Variants in DDX10 observed in about 807,000 individuals in gnomAD.
DDX10 encodes DEAD-box helicase 10.
In DDX10, 74 loss-of-function variants were observed where a neutral mutation model predicts 104.3. That is an observed-to-expected ratio of 0.71 (90% CI 0.59 to 0.86). DDX10 has a LOEUF of 0.86. Ranked by LOEUF, DDX10 falls within the 40% of genes least tolerant of loss-of-function variation. DDX10 has a pLI of 0.00. For synonymous variants in DDX10, 351 were observed against 353.4 expected (o/e 0.99, Z 0.08); for missense variants, 952 against 1,040.0 (o/e 0.92, Z 1.16).
intron 13 of DDX10, among the ~76,000 whole-genome samples, chr11:108,835,481 G>A (rs1378697948): frequency 6.6e-6 from 1 of 152,184 alleles, no homozygotes; most frequent in Admixed American, 6.5e-5. Flanking sequence ...CCGGAAGGAG[G>A]GCCTTGAGTG....
At position 108,686,224 on chromosome 11, in the gene DDX10, A is replaced by G. The variant is rs542737989; in HGVS notation, c.849-2712A>G. ...GCTAGAATGGTGGTGCATTTGCTAC[A>G]ATGGATGGACCTATGTTTTTGCATC... On this transcript the variant is annotated intron_variant, in intron 6 of 17. Transcript: ENST00000322536. Among the ~76,000 whole-genome samples, 13 of 152,246 alleles carry G rather than the reference A, an allele frequency of 8.5e-5. No individual in the cohort carries two copies. In the South Asian group the frequency reaches 2.5e-3, roughly 29 times the overall value.
At chr11:108,774,512 C>T (rs546135600) in intron 13 of DDX10, among the ~76,000 whole-genome samples, 7 of 151,972 alleles carry the variant, frequency 4.6e-5, no homozygotes. Flanking sequence ...AAATATCTGC[C>T]TTGATTTAGC....
intron 13 of DDX10, among the ~76,000 whole-genome samples, chr11:108,783,643 A>T (rs1030289107): frequency 6.6e-6 from 1 of 152,204 alleles, no homozygotes; most frequent in Non-Finnish European, 1.5e-5. Context: ...GAGCTTTTTA[A>T]TAGCAATCTT....
At chr11:108,745,108 C>T (rs1467090014) in intron 13 of DDX10, among the ~76,000 whole-genome samples, 315 of 117,174 alleles carry the variant, frequency 2.7e-3, no homozygotes, top group South Asian at 4.4e-3. Context: ...CCCTCCCCCT[C>T]CCCTTCCCCT....
chr11:108,690,770 TCTC>T (rs2094251344), intron 7 of DDX10: 2 of 245,472 alleles, frequency 8.1e-6, no homozygotes, highest in South Asian at 1.0e-4. Flanking sequence ...AAGAGATAGA[TCTC>T]CTCCAGGGAC....
At chr11:108,732,777 T>G (rs1337000996) in intron 13 of DDX10, among the ~76,000 whole-genome samples, 1 of 152,204 alleles carries the variant, frequency 6.6e-6, no homozygotes, top group African/African-American at 2.4e-5. Flanking sequence ...ATTGTCTTGT[T>G]GGGTGTTCAG....
chr11:108,679,307 C>A (rs2094231140), intron 5 of DDX10, 64 bp from the exon 6 acceptor site: 2 of 1,311,344 alleles, frequency 1.5e-6, no homozygotes, highest in Non-Finnish European at 1.0e-6. Flanking sequence ...TCCAGGATAC[C>A]CATTGCATTT....
chr11:108,725,564 G>A (rs1217740344), intron 13 of DDX10, among the ~76,000 whole-genome samples: 1 of 151,982 alleles, frequency 6.6e-6, no homozygotes, highest in Non-Finnish European at 1.5e-5. Context: ...CCTAATGACT[G>A]AACATCTCTA....
intron 16 of DDX10, among the ~76,000 whole-genome samples, chr11:108,909,482 A>G (rs1309148901): frequency 7.0e-6 from 1 of 143,118 alleles, no homozygotes; most frequent in Non-Finnish European, 1.5e-5. Context: ...CCTGTGCCCT[A>G]CTCCCGCCCC....
At chr11:108,701,293 T>A (rs557812571) in intron 9 of DDX10, among the ~76,000 whole-genome samples, 1 of 152,146 alleles carries the variant, frequency 6.6e-6, no homozygotes, top group Non-Finnish European at 1.5e-5. Context: ...CATAACAGAC[T>A]GCACTGTTCT....
rs1565258851 is a variant in DDX10 at position 108,723,408 on chromosome 11, G to GTT, written c.1911_1912insTT (p.Val638LeufsTer2). On this transcript the variant is annotated frameshift_variant, in exon 13 of 18. Coordinates refer to ENST00000322536, the MANE Select transcript of DDX10 (RefSeq NM_004398.4). LOFTEE classifies it high-confidence loss of function. ...AGGAAGAAGATGCTGATTTCTTGAA[G>GTT]GTGAAGCGGCATAATGTGTTTGGAT... is the stretch of plus-strand genomic sequence containing the variant. 3 of 1,613,868 alleles carry GTT rather than the reference G, an allele frequency of 1.9e-6. No homozygotes were observed. Among genetic ancestry groups the GTT allele is most frequent in the Non-Finnish European group, 1.7e-6 (2 of 1,179,862 alleles).
At chr11:108,671,428 T>G (rs1172862470) in intron 1 of DDX10, among the ~76,000 whole-genome samples, 1 of 152,204 alleles carries the variant, frequency 6.6e-6, no homozygotes, top group Non-Finnish European at 1.5e-5. Flanking sequence ...CCTCCCAAAG[T>G]GTTGGGATTA....
chr11:108,812,869 C>A (rs1418803078), intron 13 of DDX10, among the ~76,000 whole-genome samples: 5 of 149,136 alleles, frequency 3.4e-5, no homozygotes, highest in African/African-American at 1.2e-4. Flanking sequence ...GTAATCCCAG[C>A]TACTCAGGAG....
chr11:108,842,000 T>C (rs1466294570), intron 15 of DDX10, among the ~76,000 whole-genome samples: 1 of 152,222 alleles, frequency 6.6e-6, no homozygotes, highest in African/African-American at 2.4e-5. Context: ...CATTCAACCA[T>C]TGGAAAAGAT....
intron 13 of DDX10, among the ~76,000 whole-genome samples, chr11:108,835,741 TTAAAGGCTGAG>T: frequency 6.6e-6 from 1 of 152,096 alleles, no homozygotes; most frequent in South Asian, 2.1e-4. Flanking sequence ...CCGTGCCTAA[TTAAAGGCTGAG>T]GTGAATTGGC....
Position 108,796,864 on chromosome 11 carries a change from G to A in DDX10, c.1966-41582G>A, listed in dbSNP as rs142191061. 1.8e-3 allele frequency among the ~76,000 whole-genome samples: 271 copies of A among 152,248 alleles called. 11 individuals carry two copies. In the East Asian group the frequency reaches 0.045, roughly 25 times the overall value. On this transcript the variant is annotated intron_variant, in intron 13 of 17. Transcript: ENST00000322536. ...GAGTGGGTTTCCTAAAAAAGGACAA[G>A]TTTGGCCTCTTCTTGCTCTCTGTTT...
Position 108,880,433 on chromosome 11 carries a change from A to G in DDX10, c.2304+28224A>G, listed in dbSNP as rs551423046. ...TGGGGGACAGAAAATTTAATCCATA[A>G]CAGCATTGCCTTATGTGTTGGATAT... On this transcript the variant is annotated intron_variant, in intron 16 of 17. Coordinates refer to ENST00000322536, the MANE Select transcript of DDX10 (RefSeq NM_004398.4). 7.2e-5 allele frequency among the ~76,000 whole-genome samples: 11 copies of G among 152,306 alleles called. No individual in the cohort carries two copies. In the East Asian group the frequency reaches 1.7e-3, roughly 24 times the overall value.
At chr11:108,724,285 A>T (rs1220133547) in intron 13 of DDX10, among the ~76,000 whole-genome samples, 7 of 148,790 alleles carry the variant, frequency 4.7e-5, no homozygotes, top group Admixed American at 2.7e-4. Flanking sequence ...ACTAAAAATT[A>T]AAAAAAAAAC....
chr11:108,799,623 T>G (rs1861990861), intron 13 of DDX10, among the ~76,000 whole-genome samples: 1 of 152,248 alleles, frequency 6.6e-6, no homozygotes, highest in Non-Finnish European at 1.5e-5. Flanking sequence ...AGTGTTCATT[T>G]TCTTGCAGAC....
Sources: allele counts gnomAD v4.1 joint callset (sites outside exome capture counted in the v4.1 genomes callset), GRCh38; gene constraint gnomAD v4.1.1; transcripts MANE v1.5; gene names NCBI Gene and HGNC (gene_info 2026-07-23, HGNC 2026-07-21).